SNTG1: variants seen among roughly 807,000 people sequenced by gnomAD.
SNTG1 encodes gamma-1-syntrophin.
In SNTG1, 39 loss-of-function variants were observed where a neutral mutation model predicts 74.7. The observed-to-expected ratio is 0.52, with a 90% CI of 0.40 to 0.68. The LOEUF (loss-of-function observed/expected upper bound fraction) is 0.68, where lower values mean the gene tolerates loss of function less well. Among genes scored for constraint, SNTG1 ranks in the 30% least tolerant of loss-of-function variants. The pLI, the probability that SNTG1 is intolerant of heterozygous loss-of-function variation, is 0.00. For missense variants in SNTG1, 685 were observed against 609.5 expected (o/e 1.12, Z -1.30); for synonymous variants, 254 against 217.1 (o/e 1.17, Z -1.49).
chr8:50,427,807 G>T lies in SNTG1; in HGVS notation c.163-10736G>T, dbSNP rs907208139. Among the ~76,000 whole-genome samples, 13 of 152,190 alleles carry T rather than the reference G, an allele frequency of 8.5e-5. No homozygotes were observed. The South Asian group carries it at 2.5e-3, about 29-fold the overall frequency. Reference sequence around the variant, plus strand: ...TGTTCTTTCTATATTATGCCAAGAGGCACTGTTGGGACTATATGTTCAAAT... The same window carrying T: ...TGTTCTTTCTATATTATGCCAAGAGTCACTGTTGGGACTATATGTTCAAAT... On this transcript the variant is annotated intron_variant, in intron 4 of 18. Transcript: ENST00000642720.
chr8:49,933,854 T>C (rs983004259), intron 1 of SNTG1, among the ~76,000 whole-genome samples: 3 of 152,200 alleles, frequency 2.0e-5, no homozygotes, highest in African/African-American at 7.2e-5. Context: ...GGTAACCTCC[T>C]GGACTTGGTT....
chr8:50,462,701 A>G (rs2093574540), intron 8 of SNTG1, among the ~76,000 whole-genome samples: 1 of 149,992 alleles, frequency 6.7e-6, no homozygotes, highest in Non-Finnish European at 1.5e-5. Flanking sequence ...TTTGCAATAA[A>G]CCACTTTCTT....
At chr8:50,426,678 C>T (rs1376774100) in intron 4 of SNTG1, among the ~76,000 whole-genome samples, 1 of 151,788 alleles carries the variant, frequency 6.6e-6, no homozygotes, top group African/African-American at 2.4e-5. Flanking sequence ...TTTAGTATAA[C>T]CTAAGCATCG....
chr8:49,987,797 C>A (rs1364021355), intron 1 of SNTG1, among the ~76,000 whole-genome samples: 1 of 151,738 alleles, frequency 6.6e-6, no homozygotes, highest in African/African-American at 2.4e-5. Flanking sequence ...TACAGGCGCC[C>A]GCCACCATGC....
chr8:50,355,247 T>TG (rs201380320), intron 2 of SNTG1, among the ~76,000 whole-genome samples: 12,054 of 152,220 alleles, frequency 0.079, 570 homozygotes, highest in African/African-American at 0.12. Flanking sequence ...AATTAAATAA[T>TG]TAATTAATTA....
intron 2 of SNTG1, among the ~76,000 whole-genome samples, chr8:50,287,662 G>T (rs1322752874): frequency 6.6e-6 from 1 of 152,052 alleles, no homozygotes; most frequent in Non-Finnish European, 1.5e-5. Context: ...CTGTCTTCCT[G>T]CTTCCACAAT....
intron 2 of SNTG1, among the ~76,000 whole-genome samples, chr8:50,255,559 T>C (rs910715293): frequency 7.2e-5 from 11 of 152,246 alleles, no homozygotes; most frequent in African/African-American, 2.4e-4. Flanking sequence ...GAATCTGCTC[T>C]GTGCCCCTCT....
At chr8:50,161,676 A>G (rs1344611331) in intron 1 of SNTG1, among the ~76,000 whole-genome samples, 1 of 152,056 alleles carries the variant, frequency 6.6e-6, no homozygotes, top group East Asian at 1.9e-4. Flanking sequence ...TTGGCCCTTG[A>G]GTGCATGAGG....
intron 1 of SNTG1, among the ~76,000 whole-genome samples, chr8:49,923,172 A>G (rs1418170328): frequency 6.6e-6 from 1 of 152,150 alleles, no homozygotes; most frequent in Non-Finnish European, 1.5e-5. Context: ...AACACTGACA[A>G]ATACCAAAGA....
At chr8:50,662,087 G>A (rs1231554424) in intron 15 of SNTG1, among the ~76,000 whole-genome samples, 1 of 152,140 alleles carries the variant, frequency 6.6e-6, no homozygotes, top group Non-Finnish European at 1.5e-5. Context: ...AGGTGGGGCA[G>A]GTGAGCAAAT....
At chr8:50,075,796 G>A (rs549195439) in intron 1 of SNTG1, among the ~76,000 whole-genome samples, 2 of 152,110 alleles carry the variant, frequency 1.3e-5, no homozygotes, top group Non-Finnish European at 2.9e-5. Context: ...CAGACGCGCC[G>A]CCTTAAGAGC....
intron 13 of SNTG1, among the ~76,000 whole-genome samples, chr8:50,629,058 C>A (rs780701967): frequency 6.6e-6 from 1 of 151,992 alleles, no homozygotes; most frequent in Admixed American, 6.6e-5. Context: ...ATAGTAGTTG[C>A]CAGAGCCTGA....
chr8:50,581,684 A>G (rs943122608), intron 12 of SNTG1, among the ~76,000 whole-genome samples: 2 of 152,198 alleles, frequency 1.3e-5, no homozygotes, highest in African/African-American at 4.8e-5. Context: ...GCCACAGTGT[A>G]TCAAGTGAGG....
At chr8:49,965,794 C>T (rs985772122) in intron 1 of SNTG1, among the ~76,000 whole-genome samples, 2 of 152,116 alleles carry the variant, frequency 1.3e-5, no homozygotes, top group Non-Finnish European at 2.9e-5. Context: ...TAGTTATCAT[C>T]CTCCTCTTTT....
chr8:50,154,181 C>A (rs1311625384), intron 1 of SNTG1, among the ~76,000 whole-genome samples: 1 of 152,144 alleles, frequency 6.6e-6, no homozygotes, highest in African/African-American at 2.4e-5. Context: ...GGCAGACTGA[C>A]ACCTCATACA....
chr8:50,262,694 C>T (rs1028847563), intron 2 of SNTG1, among the ~76,000 whole-genome samples: 1 of 152,142 alleles, frequency 6.6e-6, no homozygotes, highest in African/African-American at 2.4e-5. Context: ...CAGACGTGAG[C>T]CACCGCGCCC....
At chr8:49,948,139 A>G (rs745416923) in intron 1 of SNTG1, among the ~76,000 whole-genome samples, 3 of 152,130 alleles carry the variant, frequency 2.0e-5, no homozygotes, top group Non-Finnish European at 2.9e-5. Flanking sequence ...TCAAACAAAC[A>G]AATGAAAAAA....
chr8:50,780,951 T>G (rs967239999), intron 18 of SNTG1, among the ~76,000 whole-genome samples: 3 of 152,224 alleles, frequency 2.0e-5, no homozygotes, highest in African/African-American at 7.2e-5. Context: ...CTGCCTTTAT[T>G]TCATTACGTA....
At position 50,484,141 on chromosome 8, in the gene SNTG1, T is replaced by TTTCTTTCTTTCTTTCTTTCC. The variant is rs1256171947; in HGVS notation, c.364-18626_364-18625insTTTCTTTCCTTCTTTCTTTC. 1.7e-3 allele frequency among the ~76,000 whole-genome samples: 158 copies of TTTCTTTCTTTCTTTCTTTCC among 92,860 alleles called. 2 individuals carry two copies. The highest frequency in any genetic ancestry group is 5.4e-3 in the Middle Eastern group (1 of 184). 60.9% of individuals were successfully genotyped at this position (92,860 alleles called of 152,430 possible). ...CTTTCTTTCTTTCTTTCTTTCCTTC[T>TTTCTTTCTTTCTTTCTTTCC]TTCTTTCTTTCCTTCCTTCCTTCCT... On this transcript the variant is annotated intron_variant, in intron 8 of 18. Coordinates refer to ENST00000642720, the MANE Select transcript of SNTG1 (RefSeq NM_018967.5).
Sources: allele counts gnomAD v4.1 joint callset (sites outside exome capture counted in the v4.1 genomes callset), GRCh38; gene constraint gnomAD v4.1.1; transcripts MANE v1.5; gene names NCBI Gene and HGNC (gene_info 2026-07-23, HGNC 2026-07-21).